Variants in UBE2E2 observed in about 807,000 individuals in gnomAD.
UBE2E2 encodes the protein ubiquitin conjugating enzyme E2 E2.
A neutral mutation model predicts 24.7 loss-of-function variants in UBE2E2; 6 were observed. The observed-to-expected ratio is 0.24, with a 90% CI of 0.13 to 0.48. The LOEUF (loss-of-function observed/expected upper bound fraction) is 0.48, where lower values mean the gene tolerates loss of function less well. UBE2E2 is among the 20% of genes least tolerant of loss of function. UBE2E2 has a pLI of 0.99. For synonymous variants in UBE2E2, 104 were observed against 83.6 expected (o/e 1.24, Z -1.33); for missense variants, 169 against 245.0 (o/e 0.69, Z 2.07).
chr3:23,377,922 T>G (rs1386288104), intron 3 of UBE2E2, among the ~76,000 whole-genome samples: 2 of 152,184 alleles, frequency 1.3e-5, no homozygotes, highest in African/African-American at 2.4e-5. Flanking sequence ...TGAAAGCCTG[T>G]TTTTCTTCCT....
At chr3:23,459,837 T>C (rs1698769920) in intron 3 of UBE2E2, among the ~76,000 whole-genome samples, 1 of 152,228 alleles carries the variant, frequency 6.6e-6, no homozygotes, top group Non-Finnish European at 1.5e-5. Context: ...TTTCTTAGCA[T>C]ACTTTCTGTG....
intron 3 of UBE2E2, among the ~76,000 whole-genome samples, chr3:23,498,232 G>A (rs1036636652): frequency 6.6e-6 from 1 of 152,010 alleles, no homozygotes; most frequent in African/African-American, 2.4e-5. Flanking sequence ...ACTCTCTTCA[G>A]TCAAACTCTA....
intron 3 of UBE2E2, among the ~76,000 whole-genome samples, chr3:23,416,385 C>T (rs1697633470): frequency 1.3e-5 from 2 of 152,226 alleles, no homozygotes; most frequent in African/African-American, 4.8e-5. Context: ...GGCGCTCACG[C>T]TCCTCTGGCT....
At chr3:23,429,287 G>A (rs757608695) in intron 3 of UBE2E2, among the ~76,000 whole-genome samples, 5 of 152,156 alleles carry the variant, frequency 3.3e-5, no homozygotes, top group African/African-American at 7.2e-5. Context: ...AATTCATTCT[G>A]TGAGGCCACC....
chr3:23,295,282 T>TTTTTTGTTTATTTTTTTA (rs1698879796), intron 3 of UBE2E2, among the ~76,000 whole-genome samples: 1 of 152,192 alleles, frequency 6.6e-6, no homozygotes, highest in Non-Finnish European at 1.5e-5. Context: ...GATCCTTGCT[T>TTTTTTGTTTATTTTTTTA]TTTTTGTTTA....
At chr3:23,382,178 ATTTTTTTTT>A (rs10645761) in intron 3 of UBE2E2, among the ~76,000 whole-genome samples, 1 of 110,842 alleles carries the variant, frequency 9.0e-6, no homozygotes, top group Non-Finnish European at 1.7e-5. Flanking sequence ...GAATACTTTA[ATTTTTTTTT>A]TTTTTTTTTT....
intron 3 of UBE2E2, among the ~76,000 whole-genome samples, chr3:23,291,963 A>C (rs1046042455): frequency 2.1e-5 from 3 of 142,328 alleles, no homozygotes; most frequent in Non-Finnish European, 4.5e-5. Context: ...GGTTCATGCC[A>C]TTCTCCTGCC....
chr3:23,348,458 A>G (rs959188904), intron 3 of UBE2E2, among the ~76,000 whole-genome samples: 1 of 152,092 alleles, frequency 6.6e-6, no homozygotes, highest in East Asian at 1.9e-4. Flanking sequence ...TTCTTTTTCA[A>G]AGTTCAAAGA....
chr3:23,308,472 A>C (rs931250545), intron 3 of UBE2E2, among the ~76,000 whole-genome samples: 1 of 152,234 alleles, frequency 6.6e-6, no homozygotes, highest in South Asian at 2.1e-4. Context: ...TTATTTTTAC[A>C]CAAATAAATA....
rs1699408511 is a variant in UBE2E2 at position 23,487,789 on chromosome 3, A to G, written c.228-11819A>G. Among the ~76,000 whole-genome samples the G allele has an allele frequency of 2.6e-5, 4 of 152,164 alleles. No homozygotes were observed. The South Asian group carries it at 8.3e-4, about 32-fold the overall frequency. On this transcript the variant is annotated intron_variant, in intron 3 of 5. Coordinates refer to ENST00000396703, the MANE Select transcript of UBE2E2 (RefSeq NM_152653.4). ...ACCACCATGTTACGGTAATAGATTC[A>G]TGTTTTACAAAAGATATTTCTTTAT...
At chr3:23,262,060 T>C (rs1697916129) in intron 3 of UBE2E2, among the ~76,000 whole-genome samples, 1 of 152,204 alleles carries the variant, frequency 6.6e-6, no homozygotes, top group Non-Finnish European at 1.5e-5. Context: ...GTTTCCTTAG[T>C]GGCTCTACCA....
intron 5 of UBE2E2, among the ~76,000 whole-genome samples, chr3:23,567,522 T>A (rs562020351): frequency 3.9e-5 from 6 of 152,260 alleles, no homozygotes; most frequent in Admixed American, 1.3e-4. Flanking sequence ...AAAAGGTCAC[T>A]TATAGGAAAT....
intron 4 of UBE2E2, among the ~76,000 whole-genome samples, chr3:23,508,630 C>T (rs770642972): frequency 6.6e-6 from 1 of 152,150 alleles, no homozygotes; most frequent in Non-Finnish European, 1.5e-5. Context: ...CTGATATCTA[C>T]TGACACACCC....
At chr3:23,575,075 C>T (rs937151454) in intron 5 of UBE2E2, among the ~76,000 whole-genome samples, 1 of 152,170 alleles carries the variant, frequency 6.6e-6, no homozygotes, top group African/African-American at 2.4e-5. Flanking sequence ...ATGTTTGTTC[C>T]AGCAGCCTTT....
At chr3:23,225,310 A>C (rs1409290661) in intron 3 of UBE2E2, among the ~76,000 whole-genome samples, 1 of 151,566 alleles carries the variant, frequency 6.6e-6, no homozygotes, top group Non-Finnish European at 1.5e-5. Flanking sequence ...TGTGAAGTCT[A>C]AATATCTGTT....
chr3:23,323,471 A>T (rs1169965179), intron 3 of UBE2E2: 1 of 424,918 alleles, frequency 2.4e-6, no homozygotes. Context: ...TGAGCATCCC[A>T]AATTCGAAAA....
At chr3:23,476,559 G>A (rs895262227) in intron 3 of UBE2E2, among the ~76,000 whole-genome samples, 5 of 152,094 alleles carry the variant, frequency 3.3e-5, no homozygotes, top group African/African-American at 1.2e-4. Context: ...ATGGGGTCTG[G>A]TGGCATGTGC....
intron 3 of UBE2E2, among the ~76,000 whole-genome samples, chr3:23,342,935 CT>C (rs997283510): frequency 1.3e-5 from 2 of 151,942 alleles, no homozygotes; most frequent in Admixed American, 1.3e-4. Context: ...GAAGATAATA[CT>C]TTTTTGGGGG....
At chr3:23,344,111 A>AT (rs112269531) in intron 3 of UBE2E2, among the ~76,000 whole-genome samples, 11 of 151,806 alleles carry the variant, frequency 7.2e-5, no homozygotes, top group Non-Finnish European at 1.0e-4. Context: ...CTTTGATTTG[A>AT]TTTTTTTTCA....
Sources: gnomAD v4.1 joint callset for allele counts (sites outside exome capture counted in the v4.1 genomes callset) on GRCh38, gnomAD v4.1.1 for gene constraint, MANE v1.5 for transcripts, NCBI Gene and HGNC (gene_info 2026-07-23, HGNC 2026-07-21) for gene names.